UACA: variants seen among roughly 807,000 people sequenced by gnomAD.
UACA encodes the protein nuclear membrane binding protein.
A neutral mutation model predicts 160.5 loss-of-function variants in UACA; 112 were observed. The ratio of observed to expected loss-of-function variants is 0.70; its 90% confidence interval spans 0.60 to 0.82. The LOEUF (loss-of-function observed/expected upper bound fraction) is 0.82. UACA is among the 40% of genes least tolerant of loss of function. The probability of loss-of-function intolerance (pLI) is 0.00; values close to 1 mark genes in which losing one functional copy is unlikely to be tolerated. For synonymous variants in UACA, 557 were observed against 568.4 expected (o/e 0.98, Z 0.29); for missense variants, 1,574 against 1,614.6 (o/e 0.97, Z 0.43).
At chr15:70,689,976 G>A (rs1897870171) in intron 5 of UACA, among the ~76,000 whole-genome samples, 1 of 152,044 alleles carries the variant, frequency 6.6e-6, no homozygotes. Flanking sequence ...CTTATGATTT[G>A]ATTATACTTA....
chr15:70,774,329 G>A, the UACA span, among the ~76,000 whole-genome samples: 1 of 151,958 alleles, frequency 6.6e-6, no homozygotes, highest in Non-Finnish European at 1.5e-5. Context: ...GGCAGATCAC[G>A]AGGTCAGGCG....
In UACA at chr15:70,699,605, C is replaced by T. The variant is rs1898261045; in HGVS notation, c.134G>A (p.Gly45Glu). ...DDRLMKAAER[G>E]DVEKVTSILA... ...GATTGAGGTCACTTTTTCTACATCC[C>T]CCCTTTCTGCTGCTTTCATCAATCG... Residue 45 changes from glycine to glutamate, a missense_variant, in exon 2 of 19, where the codon GGG (glycine) becomes GAG (glutamate). Gly to Glu is a moderately conservative substitution (Grantham distance 98). Transcript: ENST00000322954. 6.2e-7 allele frequency: 1 copy of T among 1,611,476 alleles called. No individual in the cohort carries two copies. Among genetic ancestry groups the T allele is most frequent in the East Asian group, 2.2e-5 (1 of 44,812 alleles).
intron 9 of UACA, 108 bp from the exon 10 acceptor site, chr15:70,679,784 A>C (rs1198831115): frequency 1.6e-6 from 1 of 634,012 alleles, no homozygotes; most frequent in East Asian, 3.2e-5. Flanking sequence ...TTTATCCAAC[A>C]TTAGCTGCAC....
chr15:70,682,763 G>A lies in UACA; in HGVS notation c.817C>T (p.Gln273Ter). The A allele has an allele frequency of 6.4e-7, 1 of 1,556,856 alleles. No homozygotes were observed. Residue 273 changes from glutamine to a stop codon, truncating the protein, a stop_gained, in exon 9 of 19, where the codon CAA (glutamine) becomes TAA (stop). Coordinates refer to ENST00000322954, the MANE Select transcript of UACA (RefSeq NM_018003.4). LOFTEE classifies it high-confidence loss of function. ...RELWKKGPSL[Q>*]QRNLTHMQDE... ...AAATTAAAATTAATATCTACCTGTT[G>A]CAAAGATGGCCCTTTCTTCCAAAGT...
chr15:70,764,927 C>T (rs2030966637), upstream of UACA, among the ~76,000 whole-genome samples: 1 of 152,206 alleles, frequency 6.6e-6, no homozygotes, highest in Admixed American at 6.5e-5. Context: ...AGAAGCTTCC[C>T]AGCCAGTCTC....
At chr15:70,717,894 T>A (rs576736287) in intron 1 of UACA, among the ~76,000 whole-genome samples, 1 of 152,092 alleles carries the variant, frequency 6.6e-6, no homozygotes, top group East Asian at 1.9e-4. Flanking sequence ...AAAAACAGGA[T>A]TCCCAGAGAA....
At chr15:70,727,426 T>G (rs1899182609) in intron 1 of UACA, among the ~76,000 whole-genome samples, 1 of 152,174 alleles carries the variant, frequency 6.6e-6, no homozygotes, top group Admixed American at 6.5e-5. Context: ...CAAAAATAGT[T>G]CACTTTAAAA....
chr15:70,736,642 T>A (rs765786345), intron 1 of UACA, among the ~76,000 whole-genome samples: 1 of 152,122 alleles, frequency 6.6e-6, no homozygotes, highest in Non-Finnish European at 1.5e-5. Flanking sequence ...GCTTTCACCA[T>A]GTTGGCCAGG....
rs576641778 is a variant in UACA, at chr15:70,761,449, G to T, written c.78+1881C>A. Among the ~76,000 whole-genome samples, 223 of 151,568 alleles carry T rather than the reference G, an allele frequency of 1.5e-3. 2 individuals carry two copies. Among genetic ancestry groups the T allele is most frequent in the South Asian group, 2.7e-3 (13 of 4,798 alleles). On this transcript the variant is annotated intron_variant, in intron 1 of 18. Coordinates refer to ENST00000322954, the MANE Select transcript of UACA (RefSeq NM_018003.4). Reference sequence around the variant, plus strand: ...AATCATACAATAAATACATATACATGTGACCAAATCTGGGATTATGGTTTA... The same window carrying T: ...AATCATACAATAAATACATATACATTTGACCAAATCTGGGATTATGGTTTA...
intron 2 of UACA, 100 bp downstream of exon 2, chr15:70,699,427 C>A: frequency 7.3e-7 from 1 of 1,378,798 alleles, no homozygotes; most frequent in Non-Finnish European, 9.9e-7. Context: ...GGCAGAATTT[C>A]TTAATAAGTA....
chr15:70,748,639 G>A (rs1179851851), intron 1 of UACA, among the ~76,000 whole-genome samples: 1 of 151,764 alleles, frequency 6.6e-6, no homozygotes, highest in Non-Finnish European at 1.5e-5. Context: ...CCCTTTCCCT[G>A]TTCATTCTAC....
intron 1 of UACA, among the ~76,000 whole-genome samples, chr15:70,738,163 A>T (rs1344423500): frequency 6.6e-6 from 1 of 152,148 alleles, no homozygotes; most frequent in African/African-American, 2.4e-5. Flanking sequence ...TCCTGGAATA[A>T]ACTTCATTTA....
chr15:70,752,301 T>C (rs1448403216), intron 1 of UACA, among the ~76,000 whole-genome samples: 1 of 151,146 alleles, frequency 6.6e-6, no homozygotes, highest in Non-Finnish European at 1.5e-5. Context: ...GCTATTCTTA[T>C]ACACAGCTGA....
chr15:70,699,383 T>G, intron 2 of UACA, 144 bp downstream of exon 2: 1 of 846,246 alleles, frequency 1.2e-6, no homozygotes, highest in Non-Finnish European at 1.8e-6. Context: ...GAACAATTAT[T>G]AGTTTGTTTG....
At chr15:70,715,516 G>A (rs1393196588) in intron 1 of UACA, among the ~76,000 whole-genome samples, 1 of 152,058 alleles carries the variant, frequency 6.6e-6, no homozygotes, top group Admixed American at 6.6e-5. Context: ...TACACTATTA[G>A]CCAATATTTT....
chr15:70,673,795 A>C lies in UACA; in HGVS notation c.1132-1794T>G, dbSNP rs557835776. 2.0e-5 allele frequency among the ~76,000 whole-genome samples: 3 copies of C among 152,346 alleles called. No homozygotes were observed. The South Asian group carries it at 6.2e-4, about 32-fold the overall frequency. On this transcript the variant is annotated intron_variant, in intron 13 of 18. Transcript: ENST00000322954. ...CTTTGACAGTTAAGCTTTTTTAAGC[A>C]TGTGAGATAATACAGCAGTAGATAT...
Position 70,714,331 on chromosome 15 carries a change from A to G in UACA, c.79-14671T>C, listed in dbSNP as rs1394582034. ...AATAGAAAAGGAAAAGAATGTTAAA[A>G]TATACCGGGGAAACAAAAGCTGTAC... On this transcript the variant is annotated intron_variant, in intron 1 of 18. Coordinates refer to ENST00000322954, the MANE Select transcript of UACA (RefSeq NM_018003.4). Among the ~76,000 whole-genome samples the G allele has an allele frequency of 1.3e-5, 2 of 152,210 alleles. 1 individual carries two copies. The highest frequency in any genetic ancestry group is 1.3e-4 in the Admixed American group (2 of 15,280).
chr15:70,700,989 AT>A (rs1433692712), intron 1 of UACA, among the ~76,000 whole-genome samples: 1 of 152,174 alleles, frequency 6.6e-6, no homozygotes, highest in Admixed American at 6.5e-5. Context: ...GTTAAAAAAA[AT>A]CACCATCACT....
intron 17 of UACA, among the ~76,000 whole-genome samples, chr15:70,662,904 A>G (rs1896764845): frequency 6.6e-6 from 1 of 152,080 alleles, no homozygotes; most frequent in Non-Finnish European, 1.5e-5. Context: ...AAAACCATAA[A>G]AACCCTAGAA....
Sources: allele counts gnomAD v4.1 joint callset (sites outside exome capture counted in the v4.1 genomes callset), GRCh38; gene constraint gnomAD v4.1.1; transcripts MANE v1.5; gene names NCBI Gene and HGNC (gene_info 2026-07-23, HGNC 2026-07-21).